SPEN: variants seen among roughly 807,000 people sequenced by gnomAD.
SPEN encodes spen family transcriptional repressor.
SPEN carries 18 observed loss-of-function variants against 269.9 expected under a neutral mutation model. That is an observed-to-expected ratio of 0.07 (90% CI 0.05 to 0.10). SPEN has a LOEUF of 0.10. Ranked by LOEUF, SPEN falls within the 10% of genes least tolerant of loss-of-function variation. The pLI, the probability that SPEN is intolerant of heterozygous loss-of-function variation, is 1.00. For synonymous variants in SPEN, 1,726 were observed against 1,765.7 expected (o/e 0.98, Z 0.56); for missense variants, 3,822 against 4,631.2 (o/e 0.83, Z 5.07).
chr1:15,921,684 A>G (rs2071121357), intron 9 of SPEN, among the ~76,000 whole-genome samples: 2 of 152,214 alleles, frequency 1.3e-5, no homozygotes, highest in African/African-American at 4.8e-5. Context: ...AAGAGTGGGT[A>G]GCCACTTAAA....
chr1:15,862,128 A>G (rs1394001061), intron 1 of SPEN, among the ~76,000 whole-genome samples: 1 of 152,178 alleles, frequency 6.6e-6, no homozygotes, highest in Non-Finnish European at 1.5e-5. Flanking sequence ...GATTTTTGCT[A>G]ATTTATGATT....
rs369509330 is a variant in SPEN at position 15,892,114 on chromosome 1, C to T, written c.881+15436C>T. Among the ~76,000 whole-genome samples, 231 of 149,650 alleles carry T rather than the reference C, an allele frequency of 1.5e-3. 2 individuals carry two copies. The highest frequency in any genetic ancestry group is 5.9e-4 in the Non-Finnish European group (40 of 67,410). On this transcript the variant is annotated intron_variant, in intron 3 of 14. Transcript: ENST00000375759. ...TGGCTCACTGTAAGCTCCGCCTCCC[C>T]GGTTCACGTCATTCTCCTGCCTCAG...
chr1:15,894,829 G>C (rs1349683196), intron 3 of SPEN, among the ~76,000 whole-genome samples: 1 of 151,620 alleles, frequency 6.6e-6, no homozygotes, highest in Non-Finnish European at 1.5e-5. Flanking sequence ...CACCGCGCCC[G>C]GCCCATATTG....
intron 3 of SPEN, among the ~76,000 whole-genome samples, chr1:15,892,731 T>G (rs2070801530): frequency 6.6e-6 from 1 of 152,124 alleles, no homozygotes; most frequent in Non-Finnish European, 1.5e-5. Flanking sequence ...TATGTTAATA[T>G]CAAAGCCCCT....
chr1:15,904,591 A>G (rs776864143), intron 3 of SPEN, among the ~76,000 whole-genome samples: 3 of 150,904 alleles, frequency 2.0e-5, no homozygotes, highest in Non-Finnish European at 2.9e-5. Context: ...GTTAAATTCT[A>G]TATCTTGTTT....
intron 3 of SPEN, among the ~76,000 whole-genome samples, chr1:15,878,576 AT>A (rs2070655268): frequency 6.6e-6 from 1 of 152,244 alleles, no homozygotes; most frequent in South Asian, 2.1e-4. Flanking sequence ...TTTGAACCCT[AT>A]AAACTAATTA....
rs1431217990 is a variant in SPEN, at chr1:15,928,561, A to G, written c.2321A>G (p.Tyr774Cys). ...TGTAGCTCACTCTCCCCTCCAAGAT[A>G]TGAGAAACTGGACAAGTCTCGTTTG... ...GSCSSLSPPRYEKLDKSRLER... is the reference protein window; with the variant it reads ...GSCSSLSPPRCEKLDKSRLER... The change falls in exon 11 of 15, where the codon TAT (tyrosine) becomes TGT (cysteine). Residue 774 changes from tyrosine to cysteine, a missense_variant. Physicochemically the swap from Tyr to Cys is radical, Grantham distance 194. Around this residue, in one of 16 missense-constraint regions of SPEN, gnomAD observed 572 missense variants for 582.6 expected, o/e 0.98. Coordinates refer to ENST00000375759, the MANE Select transcript of SPEN (RefSeq NM_015001.3). The surrounding 1 kb of genome is among the most constrained non-coding windows in gnomAD (Gnocchi z 5.7). The G allele has an allele frequency of 6.2e-7, 1 of 1,614,056 alleles. No individual in the cohort carries two copies. Among genetic ancestry groups the G allele is most frequent in the Non-Finnish European group, 8.5e-7 (1 of 1,180,030 alleles).
intron 1 of SPEN, among the ~76,000 whole-genome samples, chr1:15,872,319 G>A (rs540224323): frequency 5.3e-5 from 8 of 151,822 alleles, no homozygotes; most frequent in Admixed American, 2.6e-4. Context: ...TGGGCCGGGC[G>A]CGGTGGCTCA....
intron 3 of SPEN, among the ~76,000 whole-genome samples, chr1:15,903,593 C>G (rs1020692786): frequency 6.6e-6 from 1 of 152,118 alleles, no homozygotes; most frequent in Non-Finnish European, 1.5e-5. Context: ...GCAGGCTGGT[C>G]TCAAACTCCT....
rs935458753 is a variant in SPEN, at chr1:15,928,754, G to A, written c.2514G>A (p.Thr838=). The change falls in exon 11 of 15, where the codon ACG becomes ACA. Residue 838 remains threonine (T), a synonymous_variant. Coordinates refer to ENST00000375759, the MANE Select transcript of SPEN (RefSeq NM_015001.3). The surrounding 1 kb of genome is among the most constrained non-coding windows in gnomAD (Gnocchi z 5.7). ...VHSPSSQSSE[T]DQENEREQSP... ...CCCCTAGTTCTCAGTCTTCAGAAAC[G>A]GACCAAGAAAATGAGCGAGAGCAAA... is the stretch of plus-strand genomic sequence containing the variant. 6.8e-6 allele frequency: 11 copies of A among 1,613,900 alleles called. No individual in the cohort carries two copies. Among genetic ancestry groups the A allele is most frequent in the Non-Finnish European group, 9.3e-6 (11 of 1,180,022 alleles).
rs199860874 is a variant in SPEN at position 15,916,106 on chromosome 1, T to C, written c.1244-22T>C. On this transcript the variant is annotated intron_variant, in intron 5 of 14. Coordinates refer to ENST00000375759, the MANE Select transcript of SPEN (RefSeq NM_015001.3). ...TTAAAATACTGTCTTCTCTTTTTACTCGGCCCCCATTCCACTTACAGAAAC... is the reference window on the plus strand; with the variant it reads ...TTAAAATACTGTCTTCTCTTTTTACCCGGCCCCCATTCCACTTACAGAAAC... 5.6e-4 allele frequency: 893 copies of C among 1,593,600 alleles called. 4 individuals carry two copies. Among genetic ancestry groups the C allele is most frequent in the Middle Eastern group, 5.5e-3 (33 of 5,952 alleles).
At chr1:15,864,469 G>GTT (rs1557735952) in intron 1 of SPEN, among the ~76,000 whole-genome samples, 1 of 103,458 alleles carries the variant, frequency 9.7e-6, no homozygotes, top group Non-Finnish European at 1.9e-5. Flanking sequence ...TGTGCCGGCC[G>GTT]GTTTTTTTTT....
intron 10 of SPEN, among the ~76,000 whole-genome samples, chr1:15,925,442 T>A (rs2071157390): frequency 6.6e-6 from 1 of 152,228 alleles, no homozygotes; most frequent in Non-Finnish European, 1.5e-5. Flanking sequence ...TTGAATTCTT[T>A]GAGGGCAGAA....
In SPEN at chr1:15,908,660, C is replaced by T. The variant is rs139816267; in HGVS notation, c.882-661C>T. Reference sequence around the variant, plus strand: ...ATGATCTCAGTTTCTTGACCTCACCCGCCTTGGCCTCCTAAAGTGCTGGCA... The same window carrying T: ...ATGATCTCAGTTTCTTGACCTCACCTGCCTTGGCCTCCTAAAGTGCTGGCA... On this transcript the variant is annotated intron_variant, in intron 3 of 14. Transcript: ENST00000375759. Among the ~76,000 whole-genome samples the T allele has an allele frequency of 4.8e-3, 735 of 152,174 alleles. 4 individuals are homozygous for T. The highest frequency in any genetic ancestry group is 0.017 in the African/African-American group (688 of 41,524).
At chr1:15,894,661 C>T (rs1487116705) in intron 3 of SPEN, among the ~76,000 whole-genome samples, 2 of 151,246 alleles carry the variant, frequency 1.3e-5, no homozygotes, top group African/African-American at 2.4e-5. Flanking sequence ...GTGCCTCAGC[C>T]TCCAGAATAG....
chr1:15,917,807 TTA>T (rs1384278530), intron 6 of SPEN: 2 of 153,332 alleles, frequency 1.3e-5, no homozygotes, highest in Non-Finnish European at 2.9e-5. Flanking sequence ...CACAGCAAAC[TTA>T]TAGAGAACCA....
chr1:15,936,642 C>CAAAAAAAAAAA lies in SPEN; in HGVS notation c.10026+379_10026+389dup, dbSNP rs60059470. 4.7e-4 allele frequency among the ~76,000 whole-genome samples: 58 copies of CAAAAAAAAAAA among 123,734 alleles called. 2 individuals are homozygous for CAAAAAAAAAAA. Among genetic ancestry groups the CAAAAAAAAAAA allele is most frequent in the African/African-American group, 1.5e-3 (51 of 32,930 alleles). 81.2% of individuals were successfully genotyped at this position (123,734 alleles called of 152,430 possible). A position where few individuals can be genotyped will look rare whatever the true frequency, so the allele number is the denominator to read the frequency against. On this transcript the variant is annotated intron_variant, in intron 11 of 14. Transcript: ENST00000375759. Reference sequence around the variant, plus strand: ...CCAGTGACAGAGCGAGACCCAGTCTCAAAAAAAAAAAAAGCCGGGCATAGT... The same window carrying CAAAAAAAAAAA: ...CCAGTGACAGAGCGAGACCCAGTCTCAAAAAAAAAAAAAAAAAAAAAAAAGCCGGGCATAGT...
chr1:15,850,258 A>C (rs2070321781), intron 1 of SPEN, among the ~76,000 whole-genome samples: 1 of 152,096 alleles, frequency 6.6e-6, no homozygotes, highest in South Asian at 2.1e-4. Flanking sequence ...TGTATTAAAA[A>C]CGGCTTAGCT....
At chr1:15,889,086 C>T (rs542564567) in intron 3 of SPEN, among the ~76,000 whole-genome samples, 4 of 151,676 alleles carry the variant, frequency 2.6e-5, no homozygotes, top group Non-Finnish European at 4.4e-5. Context: ...AGGAATCATG[C>T]GTGTCCAGAA....
Sources: gnomAD v4.1 joint callset for allele counts (sites outside exome capture counted in the v4.1 genomes callset) on GRCh38, gnomAD v4.1.1 for gene constraint, gnomAD v4.1.1 regional missense constraint, Gnocchi (gnomAD v3.1) non-coding constraint, MANE v1.5 for transcripts, NCBI Gene and HGNC (gene_info 2026-07-23, HGNC 2026-07-21) for gene names.